Variants in PIDD1 observed in about 807,000 individuals in gnomAD.
PIDD1 encodes p53-induced death domain protein 1, also known as p53-induced death domain-containing protein 1.
Under a neutral mutation model 80.0 loss-of-function variants are expected in PIDD1, and 72 were observed. The observed-to-expected ratio is 0.90, with a 90% CI of 0.74 to 1.09. The LOEUF (loss-of-function observed/expected upper bound fraction) is 1.09, where lower values mean the gene tolerates loss of function less well. Among genes scored for constraint, PIDD1 ranks in the 50% least tolerant of loss-of-function variants. PIDD1 has a pLI of 0.00. For synonymous variants in PIDD1, 655 were observed against 543.5 expected (o/e 1.21, Z -2.85); for missense variants, 1,329 against 1,228.3 (o/e 1.08, Z -1.23).
Position 802,544 on chromosome 11 carries a change from T to G in PIDD1, c.973A>C (p.Ser325Arg), listed in dbSNP as rs1195501632. ...CAGCCCCCTCAACCCACCCCATACCTGTCCAAATCTGAGGTCAGGAACAGT... is the reference window on the plus strand; with the variant it reads ...CAGCCCCCTCAACCCACCCCATACCGGTCCAAATCTGAGGTCAGGAACAGT... ...PRLFLTSDLD[S>R]FPVTPQGCSV... The change falls in exon 5 of 16, where the codon AGC (serine) becomes CGC (arginine). Residue 325 changes from serine (S) to arginine (R), a missense_variant and splice_region_variant. Coordinates refer to ENST00000347755, the MANE Select transcript of PIDD1 (RefSeq NM_145886.4). The G allele has an allele frequency of 6.2e-7, 1 of 1,613,234 alleles. No homozygotes were observed. Among genetic ancestry groups the G allele is most frequent in the African/African-American group, 1.3e-5 (1 of 75,048 alleles).
chr11:799,407 C>G lies in PIDD1; in HGVS notation c.2633G>C (p.Arg878Pro). Residue 878 changes from arginine (R) to proline (P), a missense_variant, in exon 16 of 16, where the codon CGC becomes CCC. Coordinates refer to ENST00000347755, the MANE Select transcript of PIDD1 (RefSeq NM_145886.4). Reference protein sequence around the residue: ...EVRAVLELGRRKYQDSIRRMG... With the variant: ...EVRAVLELGRPKYQDSIRRMG... ...GCGTCGGATGCTGTCCTGGTACTTG[C>G]GGCGGCCGAGCTCCAAGACTGCGCG... is the stretch of plus-strand genomic sequence containing the variant. The G allele has an allele frequency of 1.2e-6, 2 of 1,611,736 alleles. No homozygotes were observed. Among genetic ancestry groups the G allele is most frequent in the Non-Finnish European group, 1.7e-6 (2 of 1,179,866 alleles).
rs1865048117 is a variant in PIDD1 at position 799,547 on chromosome 11, C to A, written c.2493G>T (p.Gln831His). 2 of 1,600,770 alleles carry A rather than the reference C, an allele frequency of 1.2e-6. No homozygotes were observed. The highest frequency in any genetic ancestry group is 1.7e-6 in the Non-Finnish European group (2 of 1,178,284). Residue 831 changes from glutamine to histidine, a missense_variant, in exon 16 of 16, where the codon CAG becomes CAT. Transcript: ENST00000347755. ...CCCAGGAGAAGAGCATGTGACGGAT[C>A]TGCTCATCCAGATCATCCCTGCAGG... ...RHEFRDDLDE[Q>H]IRHMLFSWAE...
At chr11:799,763 C>T in intron 15 of PIDD1, 52 bp downstream of exon 15, 1 of 1,431,892 alleles carries the variant, frequency 7.0e-7, no homozygotes, top group Non-Finnish European at 9.3e-7. Context: ...GCCCTCCAGG[C>T]AGCCAGGGCT....
chr11:808,596 T>C (rs1271420249), upstream of PIDD1, among the ~76,000 whole-genome samples: 1 of 152,124 alleles, frequency 6.6e-6, no homozygotes, highest in African/African-American at 2.4e-5. Flanking sequence ...GCTAGGAGGC[T>C]GAGGTGGGAG....
In PIDD1 at chr11:804,178, T is replaced by C. The variant is rs778383990; in HGVS notation, c.211A>G (p.Thr71Ala). ...TCCAGCAGCTGAGGGTCCTCGTGAGTGCTCAGACGCAAGAATTCCACCTGC... is the reference window on the plus strand; with the variant it reads ...TCCAGCAGCTGAGGGTCCTCGTGAGCGCTCAGACGCAAGAATTCCACCTGC... ...LLQVEFLRLSTHEDPQLLEAT... is the reference protein window; with the variant it reads ...LLQVEFLRLSAHEDPQLLEAT... The change falls in exon 2 of 16, where the codon ACT (threonine) becomes GCT (alanine). Residue 71 changes from threonine to alanine, a missense_variant. Physicochemically the swap from Thr to Ala is moderately conservative, Grantham distance 58 (BLOSUM62 0). Transcript: ENST00000347755. 1.1e-4 allele frequency: 175 copies of C among 1,613,062 alleles called. No homozygotes were observed. The highest frequency in any genetic ancestry group is 1.4e-4 in the Non-Finnish European group (168 of 1,179,860).
chr11:804,161 C>G lies in PIDD1; in HGVS notation c.228G>C (p.Gln76His), dbSNP rs1204325016. 6.2e-7 allele frequency: 1 copy of G among 1,613,414 alleles called. No homozygotes were observed. Among genetic ancestry groups the G allele is most frequent in the Admixed American group, 1.7e-5 (1 of 59,998 alleles). ...GCTGGGCCAGGGTGGCCTCCAGCAG[C>G]TGAGGGTCCTCGTGAGTGCTCAGAC... Reference protein sequence around the residue: ...FLRLSTHEDPQLLEATLAQLP... With the variant: ...FLRLSTHEDPHLLEATLAQLP... Residue 76 changes from glutamine (Q) to histidine (H), a missense_variant, in exon 2 of 16, where the codon CAG becomes CAC. Physicochemically the swap from Gln to His is conservative, Grantham distance 24 (BLOSUM62 0). Coordinates refer to ENST00000347755, the MANE Select transcript of PIDD1 (RefSeq NM_145886.4).
intron 3 of PIDD1, 108 bp from the exon 4 acceptor site, chr11:802,999 G>A: frequency 9.2e-7 from 1 of 1,089,644 alleles, no homozygotes; most frequent in Non-Finnish European, 1.3e-6. Context: ...TCCACAGCTG[G>A]GCTCAGAGAA....
intron 9 of PIDD1, 34 bp from the exon 10 acceptor site, chr11:801,154 C>T (rs993548025): frequency 1.9e-6 from 3 of 1,547,094 alleles, no homozygotes; most frequent in Middle Eastern, 1.7e-4. Flanking sequence ...CTGAGGCCTC[C>T]TGGCCGGAGA....
In PIDD1 at chr11:800,462, G is replaced by T; in HGVS notation, c.2042-11C>A. ...CACAGTCAGGGCGGTCTAGGGGACA[G>T]GGGTGGGCTGAGCAAGGAGGGCTCG... On this transcript the variant is annotated splice_polypyrimidine_tract_variant and intron_variant, in intron 12 of 15. Transcript: ENST00000347755. 1 of 1,611,934 alleles carries T rather than the reference G, an allele frequency of 6.2e-7. No individual in the cohort carries two copies. The highest frequency in any genetic ancestry group is 8.5e-7 in the Non-Finnish European group (1 of 1,179,940).
upstream of PIDD1, chr11:805,652 C>T (rs1274473476): frequency 5.1e-6 from 5 of 985,550 alleles, no homozygotes; most frequent in Non-Finnish European, 6.0e-6. Flanking sequence ...GTGTCCTTTC[C>T]AAACCAGCCC....
Position 804,136 on chromosome 11 carries a change from G to A in PIDD1, c.253C>T (p.Leu85=). The A allele has an allele frequency of 6.2e-7, 1 of 1,613,224 alleles. No homozygotes were observed. Residue 85 remains leucine (L), a synonymous_variant, in exon 2 of 16, where the codon CTG becomes TTG. Coordinates refer to ENST00000347755, the MANE Select transcript of PIDD1 (RefSeq NM_145886.4). ...PQLLEATLAQ[L]PQSLSCLRSL... ...CGGAGGCAGGACAGGCTCTGAGGCAGCTGGGCCAGGGTGGCCTCCAGCAGC... is the reference window on the plus strand; with the variant it reads ...CGGAGGCAGGACAGGCTCTGAGGCAACTGGGCCAGGGTGGCCTCCAGCAGC...
Position 803,322 on chromosome 11 carries a change from G to T in PIDD1, c.561C>A (p.Pro187=). 2 of 1,613,928 alleles carry T rather than the reference G, an allele frequency of 1.2e-6. No homozygotes were observed. The highest frequency in any genetic ancestry group is 4.5e-5 in the East Asian group (2 of 44,872). ...GGGTGGATAGGGCCCCCAGTGCTGG[G>T]GGCAGCGTCTGCAGGCGGTTGTGTG... ...TVTHNRLQTL[P]PALGALSTLQ... Residue 187 remains proline (P), a synonymous_variant, in exon 3 of 16, where the codon CCC becomes CCA. Transcript: ENST00000347755.
intron 2 of PIDD1, chr11:803,888 G>A: frequency 1.5e-6 from 1 of 662,354 alleles, no homozygotes; most frequent in South Asian, 2.0e-5. Flanking sequence ...CAGGAGCCAG[G>A]GCCCAGCCAG....
In PIDD1 at chr11:802,615, A is replaced by C; in HGVS notation, c.920-18T>G. 9.9e-6 allele frequency: 16 copies of C among 1,611,868 alleles called. No individual in the cohort carries two copies. Among genetic ancestry groups the C allele is most frequent in the Non-Finnish European group, 1.4e-5 (16 of 1,179,040 alleles). On this transcript the variant is annotated intron_variant, in intron 4 of 15. Transcript: ENST00000347755. Reference sequence around the variant, plus strand: ...GGCTGCCACTGTGCAGGGGACAGACATGTGCTCAGGACAGTGAGGAGACTC... The same window carrying C: ...GGCTGCCACTGTGCAGGGGACAGACCTGTGCTCAGGACAGTGAGGAGACTC...
At chr11:800,496 G>T in intron 12 of PIDD1, 45 bp from the exon 13 acceptor site, 1 of 1,610,054 alleles carries the variant, frequency 6.2e-7, no homozygotes, top group East Asian at 2.2e-5. Flanking sequence ...CGGGGAGGAC[G>T]GTAAGGCTCC....
chr11:799,611 A>G, intron 15 of PIDD1, 46 bp from the exon 16 acceptor site: 1 of 1,540,422 alleles, frequency 6.5e-7, no homozygotes, highest in Non-Finnish European at 8.7e-7. Flanking sequence ...CCACCTGCCC[A>G]GGACCCCCCA....
intron 2 of PIDD1, 184 bp from the exon 3 acceptor site, chr11:803,771 T>C (rs1590152161): frequency 1.5e-6 from 1 of 676,684 alleles, no homozygotes; most frequent in East Asian, 2.8e-5. Context: ...GAGGCAGGGG[T>C]GGAGACCACC....
Position 803,563 on chromosome 11 carries a change from C to T in PIDD1, c.320G>A (p.Gly107Asp), listed in dbSNP as rs749728006. The T allele has an allele frequency of 3.7e-6, 6 of 1,611,038 alleles. No individual in the cohort carries two copies. Among genetic ancestry groups the T allele is most frequent in the Non-Finnish European group, 4.2e-6 (5 of 1,178,736 alleles). The change falls in exon 3 of 16, where the codon GGT becomes GAT. Residue 107 changes from glycine (G) to aspartate (D), a missense_variant. Transcript: ENST00000347755. The part of the protein sequence containing the change: ...LKGGQRRDTL[G>D]ACLRGALTNL... Reference sequence around the variant, plus strand: ...GGTCAGGGCACCCCGGAGACAGGCACCCAGTGTGTCCCGGCGTTGCCCTCC... The same window carrying T: ...GGTCAGGGCACCCCGGAGACAGGCATCCAGTGTGTCCCGGCGTTGCCCTCC...
At position 802,865 on chromosome 11, in the gene PIDD1, C is replaced by G; in HGVS notation, c.736G>C (p.Val246Leu). ...GAGGCCAGGAGGTTGCTGTGCAGGA[C>G]AAGGAGCCGCAAGGACCGAAGTCCC... The part of the protein sequence containing the change: ...LAGLRSLRLL[V>L]LHSNLLASVP... Residue 246 changes from valine (V) to leucine (L), a missense_variant, in exon 4 of 16, where the codon GTC (valine) becomes CTC (leucine). Transcript: ENST00000347755. The G allele has an allele frequency of 6.4e-7, 1 of 1,573,872 alleles. No individual in the cohort carries two copies. Among genetic ancestry groups the G allele is most frequent in the Non-Finnish European group, 8.6e-7 (1 of 1,160,506 alleles).
Sources: gnomAD v4.1 joint callset for allele counts (sites outside exome capture counted in the v4.1 genomes callset) on GRCh38, gnomAD v4.1.1 for gene constraint, MANE v1.5 for transcripts, NCBI Gene and HGNC (gene_info 2026-07-23, HGNC 2026-07-21) for gene names.